BMP5: variants seen among roughly 807,000 people sequenced by gnomAD.
BMP5 encodes the protein bone morphogenetic protein 5.
In BMP5, 23 loss-of-function variants were observed where a neutral mutation model predicts 46.6. The ratio of observed to expected loss-of-function variants is 0.49; its 90% CI spans 0.35 to 0.70. BMP5 has a LOEUF of 0.70. BMP5 is among the 30% of genes least tolerant of loss of function. BMP5 has a pLI of 0.00. For missense variants in BMP5, 545 were observed against 565.6 expected, an observed-to-expected ratio of 0.96 and a Z score of 0.37; for synonymous variants, 204 against 191.9, an observed-to-expected ratio of 1.06 and a Z score of -0.52.
intron 3 of BMP5, among the ~76,000 whole-genome samples, chr6:55,782,150 A>G (rs1775334349): frequency 6.6e-6 from 1 of 152,172 alleles, no homozygotes; most frequent in East Asian, 1.9e-4. Context: ...CCACAAAGAA[A>G]TAATAAACGT....
intron 5 of BMP5, 94 bp from the exon 6 acceptor site, chr6:55,759,209 A>C (rs1457274556): frequency 2.9e-5 from 22 of 751,886 alleles, no homozygotes; most frequent in Middle Eastern, 3.5e-4. Flanking sequence ...TCACCAAAGT[A>C]AAAATTTTTA....
intron 1 of BMP5, among the ~76,000 whole-genome samples, chr6:55,860,680 C>T (rs1230135533): frequency 6.6e-6 from 1 of 152,184 alleles, no homozygotes; most frequent in Admixed American, 6.5e-5. Context: ...TCTTGCCTTG[C>T]TTTTCAAAGC....
intron 1 of BMP5, among the ~76,000 whole-genome samples, chr6:55,842,969 G>A (rs1183084517): frequency 1.3e-5 from 2 of 152,018 alleles, no homozygotes; most frequent in African/African-American, 4.8e-5. Context: ...TTTGCTGTGA[G>A]ACTGAAAAGA....
chr6:55,875,032 G>A lies in BMP5; in HGVS notation c.-167C>T, dbSNP rs1202215544. On this transcript the variant is annotated 5_prime_UTR_variant, in exon 1 of 7. Coordinates refer to ENST00000370830, the MANE Select transcript of BMP5 (RefSeq NM_021073.4). ...GCACAACATCCTCACCGATTTTCCT[G>A]TCCTATTTTAAATATTTTGGAATAT... The A allele has an allele frequency of 1.2e-5, 9 of 734,222 alleles. No homozygotes were observed. In the Admixed American group the frequency reaches 2.1e-4, roughly 17 times the overall value. The allele number at this position is 734,222 out of a possible 1,614,324, so 45.5% of individuals were successfully genotyped here.
intron 5 of BMP5, 29 bp from the exon 6 acceptor site, chr6:55,759,144 C>CACACACACAA (rs1562023392): frequency 8.0e-4 from 68 of 85,020 alleles, no homozygotes; most frequent in Non-Finnish European, 1.1e-3. Context: ...CACACACACA[C>CACACACACAA]AAAAAAAAAA....
chr6:55,774,397 T>C (rs1423953838), intron 3 of BMP5, among the ~76,000 whole-genome samples, 154 bp from the exon 4 acceptor site: 1 of 151,954 alleles, frequency 6.6e-6, no homozygotes, highest in Admixed American at 6.6e-5. Context: ...ATATTGAGGC[T>C]TACTATTACA....
intron 2 of BMP5, among the ~76,000 whole-genome samples, chr6:55,808,554 T>C (rs1372485864): frequency 6.6e-6 from 1 of 152,136 alleles, no homozygotes; most frequent in Non-Finnish European, 1.5e-5. Flanking sequence ...TACTGGCTGT[T>C]GAGAACCTGC....
Position 55,759,016 on chromosome 6 carries a change from C to G in BMP5, c.1204G>C (p.Val402Leu). The part of the protein sequence containing the change: ...AHMNATNHAI[V>L]QTLVHLMFPD... Reference sequence around the variant, plus strand: ...AAAACAAAGCTTACCAGAGTCTGAACTATAGCGTGGTTGGTGGCATTCATA... The same window carrying G: ...AAAACAAAGCTTACCAGAGTCTGAAGTATAGCGTGGTTGGTGGCATTCATA... Residue 402 changes from valine to leucine, a missense_variant, in exon 6 of 7, where the codon GTT (valine) becomes CTT (leucine). Physicochemically the swap from Val to Leu is conservative, Grantham distance 32 (BLOSUM62 1). Coordinates refer to ENST00000370830, the MANE Select transcript of BMP5 (RefSeq NM_021073.4). 1.2e-6 allele frequency: 2 copies of G among 1,604,062 alleles called. No homozygotes were observed. Among genetic ancestry groups the G allele is most frequent in the Non-Finnish European group, 1.7e-6 (2 of 1,171,852 alleles).
intron 1 of BMP5, among the ~76,000 whole-genome samples, chr6:55,861,618 CT>C (rs1278532374): frequency 6.6e-6 from 1 of 152,140 alleles, no homozygotes; most frequent in Non-Finnish European, 1.5e-5. Flanking sequence ...TATTTGCCTC[CT>C]TTGGAAGGCC....
intron 1 of BMP5, among the ~76,000 whole-genome samples, chr6:55,830,035 T>G (rs1303346860): frequency 6.6e-6 from 1 of 152,158 alleles, no homozygotes; most frequent in South Asian, 2.1e-4. Context: ...ATGTCATAAG[T>G]TTCCCTAATA....
At chr6:55,849,656 G>C (rs1158927332) in intron 1 of BMP5, among the ~76,000 whole-genome samples, 1 of 151,998 alleles carries the variant, frequency 6.6e-6, no homozygotes, top group Non-Finnish European at 1.5e-5. Flanking sequence ...GGGATATGTA[G>C]AACAGAGTGA....
chr6:55,850,856 T>G (rs1241777328), intron 1 of BMP5, among the ~76,000 whole-genome samples: 2 of 152,182 alleles, frequency 1.3e-5, no homozygotes, highest in Non-Finnish European at 2.9e-5. Context: ...CAAACCTCAA[T>G]TTCCTCATTG....
At chr6:55,845,668 G>A (rs1447305916) in intron 1 of BMP5, among the ~76,000 whole-genome samples, 1 of 151,956 alleles carries the variant, frequency 6.6e-6, no homozygotes, top group Non-Finnish European at 1.5e-5. Context: ...AGGAAACACA[G>A]TGGATTGAGA....
intron 3 of BMP5, among the ~76,000 whole-genome samples, chr6:55,784,303 G>C (rs1775394904): frequency 6.6e-6 from 1 of 151,684 alleles, no homozygotes; most frequent in Non-Finnish European, 1.5e-5. Context: ...ATTATCCTAA[G>C]AGGACATAAC....
At chr6:55,849,206 A>G (rs958598523) in intron 1 of BMP5, among the ~76,000 whole-genome samples, 9 of 152,032 alleles carry the variant, frequency 5.9e-5, no homozygotes, top group Non-Finnish European at 1.3e-4. Context: ...GAAAAGAGGC[A>G]AAGTCCCTAT....
intron 1 of BMP5, among the ~76,000 whole-genome samples, chr6:55,854,668 T>C (rs187447098): frequency 2.0e-5 from 3 of 152,234 alleles, no homozygotes; most frequent in East Asian, 3.9e-4. Flanking sequence ...AGGTATGCCA[T>C]AAATTCAGAT....
At chr6:55,847,446 G>C (rs1777124740) in intron 1 of BMP5, among the ~76,000 whole-genome samples, 1 of 151,892 alleles carries the variant, frequency 6.6e-6, no homozygotes, top group Non-Finnish European at 1.5e-5. Flanking sequence ...CAACAGAAGT[G>C]ATCATAGGTT....
At chr6:55,828,299 T>A (rs913183980) in intron 1 of BMP5, among the ~76,000 whole-genome samples, 4 of 151,828 alleles carry the variant, frequency 2.6e-5, no homozygotes, top group Admixed American at 2.0e-4. Context: ...GACTATCAAA[T>A]GTGGTGGGTG....
intron 1 of BMP5, among the ~76,000 whole-genome samples, chr6:55,850,403 TATAG>T (rs1268643712): frequency 1.1e-3 from 171 of 150,638 alleles, no homozygotes; most frequent in African/African-American, 2.7e-3. Flanking sequence ...GATCGATAGA[TATAG>T]ATAGATAGAT....
Sources: allele counts gnomAD v4.1 joint callset (sites outside exome capture counted in the v4.1 genomes callset), GRCh38; gene constraint gnomAD v4.1.1; transcripts MANE v1.5; gene names NCBI Gene and HGNC (gene_info 2026-07-23, HGNC 2026-07-21).